The following OPCML variants were observed in gnomAD, a reference collection of about 807,000 sequenced individuals.
OPCML encodes the protein opioid-binding protein/cell adhesion molecule.
Under a neutral mutation model 37.8 loss-of-function variants are expected in OPCML, and 13 were observed. The ratio of observed to expected loss-of-function variants is 0.34; its 90% CI spans 0.22 to 0.55. OPCML has a LOEUF of 0.55. Among genes scored for constraint, OPCML ranks in the 20% least tolerant of loss-of-function variants. The pLI is 0.91. For synonymous variants in OPCML, 176 were observed against 168.8 expected (o/e 1.04, Z -0.33); for missense variants, 341 against 435.6 (o/e 0.78, Z 1.93).
At position 133,458,229 on chromosome 11, in the gene OPCML, C is replaced by T. The variant is rs557416725; in HGVS notation, c.61+74035G>A. ...GTGTGTATATATACACATATATACA[C>T]GTGTGTGTATATATACACATATATA... On this transcript the variant is annotated intron_variant, in intron 1 of 7. Transcript: ENST00000524381. 5.0e-5 allele frequency among the ~76,000 whole-genome samples: 6 copies of T among 119,670 alleles called. 1 individual carries two copies. The highest frequency in any genetic ancestry group is 1.5e-4 in the African/African-American group (3 of 20,594). The allele number at this position is 119,670 out of a possible 152,430, so 78.5% of individuals were successfully genotyped here. A position where few individuals can be genotyped will look rare whatever the true frequency, so the allele number is the denominator to read the frequency against.
At chr11:132,685,595 C>T (rs150097381) in intron 2 of OPCML, among the ~76,000 whole-genome samples, 2 of 152,238 alleles carry the variant, frequency 1.3e-5, no homozygotes, top group Non-Finnish European at 2.9e-5. Context: ...ACAGTAATTA[C>T]ATGTTTGAAG....
intron 2 of OPCML, among the ~76,000 whole-genome samples, chr11:132,818,833 C>T (rs1260655074): frequency 1.3e-5 from 2 of 149,648 alleles, no homozygotes; most frequent in Non-Finnish European, 3.0e-5. Flanking sequence ...TGTTAAATGA[C>T]AAGTTAATGG....
intron 4 of OPCML, among the ~76,000 whole-genome samples, chr11:132,516,264 G>T (rs553730440): frequency 3.3e-5 from 5 of 152,266 alleles, no homozygotes; most frequent in African/African-American, 9.6e-5. Flanking sequence ...AGATAAGTCT[G>T]CAACTTCCTG....
intron 2 of OPCML, among the ~76,000 whole-genome samples, chr11:132,825,106 T>G (rs909348693): frequency 2.6e-5 from 4 of 152,228 alleles, no homozygotes; most frequent in African/African-American, 9.6e-5. Context: ...CATATTTGAT[T>G]ATTATCTGTC....
In OPCML at chr11:132,611,610, A is replaced by G. The variant is rs1257994853; in HGVS notation, c.379+45477T>C. ...AGAGACTAGCATGCAGGAGGCACTG[A>G]ACACAAATGTGTTATATTAATGAAA... On this transcript the variant is annotated intron_variant, in intron 3 of 7. Transcript: ENST00000524381. Among the ~76,000 whole-genome samples the G allele has an allele frequency of 3.3e-5, 5 of 152,182 alleles. No homozygotes were observed. The East Asian group carries it at 9.6e-4, about 29-fold the overall frequency.
Position 133,005,436 on chromosome 11 carries a change from C to T in OPCML, c.62-62426G>A, listed in dbSNP as rs1947090455. ...CTAACACCCATGTTCTCCTTTTCTA[C>T]CCCTGCTACTCCACAGCTCTTAGGT... is the stretch of plus-strand genomic sequence containing the variant. On this transcript the variant is annotated intron_variant, in intron 1 of 7. Coordinates refer to ENST00000524381, the MANE Select transcript of OPCML (RefSeq NM_001012393.5). 9 of 985,366 alleles carry T rather than the reference C, an allele frequency of 9.1e-6. No homozygotes were observed. The South Asian group carries it at 3.8e-4, about 41-fold the overall frequency. The allele number at this position is 985,366 out of a possible 1,614,324, so 61.0% of individuals were successfully genotyped here.
intron 1 of OPCML, among the ~76,000 whole-genome samples, chr11:133,257,671 G>A (rs535509971): frequency 2.0e-5 from 3 of 152,228 alleles, no homozygotes; most frequent in South Asian, 2.1e-4. Flanking sequence ...TTGTTGCAAC[G>A]TATCTTGTCT....
In OPCML at chr11:132,967,942, G is replaced by A. The variant is rs537007091; in HGVS notation, c.62-24932C>T. On this transcript the variant is annotated intron_variant, in intron 1 of 7. Coordinates refer to ENST00000524381, the MANE Select transcript of OPCML (RefSeq NM_001012393.5). ...TTTAGGTTCACAACAAACTTGAAAC[G>A]AAGGCACATATGAAGAGCTTCCCTC... Among the ~76,000 whole-genome samples, 50 of 152,222 alleles carry A rather than the reference G, an allele frequency of 3.3e-4. 1 individual carries two copies. The Middle Eastern group carries it at 0.02, about 62-fold the overall frequency.
intron 4 of OPCML, among the ~76,000 whole-genome samples, chr11:132,444,245 C>T (rs1017689094): frequency 2.6e-5 from 4 of 152,198 alleles, no homozygotes; most frequent in African/African-American, 9.7e-5. Flanking sequence ...CACCCGCCTC[C>T]CATGGGGGAG....
At chr11:132,942,091 C>T (rs1162627373) in intron 2 of OPCML, among the ~76,000 whole-genome samples, 1 of 152,110 alleles carries the variant, frequency 6.6e-6, no homozygotes, top group Non-Finnish European at 1.5e-5. Flanking sequence ...CTCCTAGGAC[C>T]AGAACTGCCT....
chr11:133,317,341 G>C (rs1943227255), intron 1 of OPCML, among the ~76,000 whole-genome samples: 1 of 152,212 alleles, frequency 6.6e-6, no homozygotes, highest in Admixed American at 6.5e-5. Flanking sequence ...TATCAGGAAT[G>C]TTTCAAAATT....
intron 3 of OPCML, among the ~76,000 whole-genome samples, chr11:132,593,157 G>A (rs1489251155): frequency 6.6e-6 from 1 of 152,198 alleles, no homozygotes; most frequent in African/African-American, 2.4e-5. Flanking sequence ...CTGGGCAGGA[G>A]CCTGTGTGAA....
At chr11:132,832,459 C>T (rs1023258718) in intron 2 of OPCML, among the ~76,000 whole-genome samples, 8 of 152,274 alleles carry the variant, frequency 5.3e-5, no homozygotes, top group African/African-American at 1.9e-4. Flanking sequence ...AATTATTCTG[C>T]TTATCTGGGC....
intron 3 of OPCML, among the ~76,000 whole-genome samples, chr11:132,642,058 T>A (rs995900423): frequency 6.6e-6 from 1 of 152,218 alleles, no homozygotes; most frequent in African/African-American, 2.4e-5. Context: ...TAAGGGAAAT[T>A]CATTACCAAT....
chr11:133,375,690 T>C (rs1270014136), intron 1 of OPCML, among the ~76,000 whole-genome samples: 1 of 152,162 alleles, frequency 6.6e-6, no homozygotes, highest in African/African-American at 2.4e-5. Flanking sequence ...GCTGCTGCTA[T>C]GGCCTTAGCT....
At chr11:133,219,857 T>A (rs915758009) in intron 1 of OPCML, among the ~76,000 whole-genome samples, 1 of 152,170 alleles carries the variant, frequency 6.6e-6, no homozygotes, top group Non-Finnish European at 1.5e-5. Flanking sequence ...TAATATCCTA[T>A]AATGCACAGA....
At chr11:132,697,973 TTTC>T (rs1943658216) in intron 2 of OPCML, among the ~76,000 whole-genome samples, 2 of 138,828 alleles carry the variant, frequency 1.4e-5, no homozygotes, top group African/African-American at 2.9e-5. Context: ...TTTATTTTAT[TTTC>T]TATTTATTTA....
At chr11:132,695,648 G>A (rs766890039) in intron 2 of OPCML, among the ~76,000 whole-genome samples, 5 of 152,098 alleles carry the variant, frequency 3.3e-5, no homozygotes, top group Admixed American at 3.3e-4. Flanking sequence ...AAAAGATGAG[G>A]GCAGCCAGCA....
At chr11:132,970,684 T>C (rs1387449740) in intron 1 of OPCML, among the ~76,000 whole-genome samples, 3 of 152,144 alleles carry the variant, frequency 2.0e-5, no homozygotes, top group Non-Finnish European at 4.4e-5. Flanking sequence ...TAACTCACTG[T>C]CTCCATATAT....
Sources: gnomAD v4.1 joint callset for allele counts (sites outside exome capture counted in the v4.1 genomes callset) on GRCh38, gnomAD v4.1.1 for gene constraint, MANE v1.5 for transcripts, NCBI Gene and HGNC (gene_info 2026-07-23, HGNC 2026-07-21) for gene names.